Variants in RFFL observed in about 807,000 individuals in gnomAD.
RFFL encodes the protein E3 ubiquitin-protein ligase rififylin.
In RFFL, 16 loss-of-function variants were observed where a neutral mutation model predicts 40.4. That is an observed-to-expected ratio of 0.40 (90% CI 0.27 to 0.60). The LOEUF (loss-of-function observed/expected upper bound fraction) is 0.60. Ranked by LOEUF, RFFL falls within the 20% of genes least tolerant of loss-of-function variation. The pLI is 0.47. For missense variants in RFFL, 367 were observed against 451.7 expected (o/e 0.81, Z 1.70); for synonymous variants, 154 against 167.9 (o/e 0.92, Z 0.64).
intron 1 of RFFL, among the ~76,000 whole-genome samples, chr17:35,075,986 CTTTTTTTTTTTTT>C (rs35996071): frequency 1.2e-5 from 1 of 80,030 alleles, no homozygotes; most frequent in Non-Finnish European, 2.2e-5. Context: ...TCAATTTATT[CTTTTTTTTTTTTT>C]TTTTTTTTTT....
chr17:35,018,267 A>G (rs2090987065), intron 3 of RFFL, among the ~76,000 whole-genome samples: 1 of 152,204 alleles, frequency 6.6e-6, no homozygotes, highest in Non-Finnish European at 1.5e-5. Flanking sequence ...AGACCTAGTC[A>G]AAGAGTATTT....
chr17:35,056,266 C>G (rs1236934524), intron 1 of RFFL, among the ~76,000 whole-genome samples: 1 of 152,086 alleles, frequency 6.6e-6, no homozygotes, highest in Non-Finnish European at 1.5e-5. Flanking sequence ...CACTCTTGCT[C>G]CCTTATTTTC....
intron 1 of RFFL, among the ~76,000 whole-genome samples, chr17:35,075,921 T>A (rs2091373180): frequency 6.6e-6 from 1 of 152,002 alleles, no homozygotes. Context: ...TTTCCAGTAT[T>A]TAGTCAAAAA....
intron 1 of RFFL, among the ~76,000 whole-genome samples, chr17:35,055,682 AAACAAAC>A (rs2091256849): frequency 4.5e-5 from 6 of 133,992 alleles, no homozygotes; most frequent in Admixed American, 2.8e-4. Flanking sequence ...AAAAAAAAAC[AAACAAAC>A]AAACAAACAA....
In RFFL at chr17:35,021,415, G is replaced by C; in HGVS notation, c.547C>G (p.Gln183Glu). The change falls in exon 3 of 7, where the codon CAA becomes GAA. Residue 183 changes from glutamine to glutamate, a missense_variant. By Grantham distance (29) the Gln-to-Glu change is conservative (BLOSUM62 2). Coordinates refer to ENST00000394597, the MANE Select transcript of RFFL (RefSeq NM_001017368.2). ...TSPNLPSSSAQATSVPPAQVQ... is the reference protein window; with the variant it reads ...TSPNLPSSSAEATSVPPAQVQ... ...TGGGCTGGGGGAACAGAGGTGGCTTGTGCAGATGAAGAGGGGAGGTTGGGT... is the reference window on the plus strand; with the variant it reads ...TGGGCTGGGGGAACAGAGGTGGCTTCTGCAGATGAAGAGGGGAGGTTGGGT... The C allele has an allele frequency of 6.5e-7, 1 of 1,534,800 alleles. No individual in the cohort carries two copies. Among genetic ancestry groups the C allele is most frequent in the Non-Finnish European group, 8.7e-7 (1 of 1,144,496 alleles).
chr17:35,088,116 A>G (rs564958923), intron 1 of RFFL, among the ~76,000 whole-genome samples: 6 of 152,310 alleles, frequency 3.9e-5, no homozygotes, highest in African/African-American at 1.4e-4. Context: ...TCTGTCCTCC[A>G]AACCAATAAT....
intron 2 of RFFL, among the ~76,000 whole-genome samples, chr17:35,023,274 G>A (rs555326264): frequency 6.6e-6 from 1 of 152,286 alleles, no homozygotes; most frequent in East Asian, 1.9e-4. Flanking sequence ...CAGACACTCT[G>A]GGCTGAAGTA....
intron 3 of RFFL, among the ~76,000 whole-genome samples, chr17:35,019,193 A>G (rs1023650281): frequency 1.3e-4 from 20 of 152,202 alleles, no homozygotes; most frequent in Admixed American, 1.2e-3. Flanking sequence ...TCCTGCTTGC[A>G]AAGTGCAGCT....
chr17:35,076,679 A>AAATAATAAT (rs60726343), intron 1 of RFFL: 17,638 of 137,014 alleles, frequency 0.13, 1,307 homozygotes, highest in East Asian at 0.19. Context: ...ACTCCGTCTC[A>AAATAATAAT]AATAATAATA....
intron 2 of RFFL, among the ~76,000 whole-genome samples, chr17:35,023,435 C>A (rs1355793504): frequency 6.6e-6 from 1 of 152,216 alleles, no homozygotes; most frequent in Non-Finnish European, 1.5e-5. Context: ...CCTAATTCTC[C>A]ATACAGTTAT....
intron 1 of RFFL, among the ~76,000 whole-genome samples, chr17:35,035,726 G>A (rs2091117392): frequency 6.7e-6 from 1 of 150,236 alleles, no homozygotes; most frequent in Admixed American, 6.7e-5. Context: ...TTTTTGAGAT[G>A]GAGATTCACT....
upstream of RFFL, among the ~76,000 whole-genome samples, chr17:35,067,561 G>A (rs532124102): frequency 2.0e-5 from 3 of 150,170 alleles, no homozygotes; most frequent in East Asian, 2.0e-4. Context: ...GGGTTCAAGC[G>A]ATTCTCCTGC....
rs973757872 is a variant in RFFL at position 35,007,213 on chromosome 17, A to T, written c.*4755T>A. On this transcript the variant is annotated 3_prime_UTR_variant, in exon 7 of 7. Transcript: ENST00000394597. ...GCTTACACCCAGAGTGCACACTCAC[A>T]GGAAAGGGCCTCTGCTGGCTGCAGG... 6.6e-6 allele frequency: 1 copy of T among 152,290 alleles called. No homozygotes were observed. The highest frequency in any genetic ancestry group is 2.4e-5 in the African/African-American group (1 of 41,476). The allele number at this position is 152,290 out of a possible 1,614,324, so 9.4% of individuals were successfully genotyped here. A position where few individuals can be genotyped will look rare whatever the true frequency, so the allele number is the denominator to read the frequency against.
intron 1 of RFFL, among the ~76,000 whole-genome samples, chr17:35,040,821 C>T (rs2091159308): frequency 6.8e-6 from 1 of 146,664 alleles, no homozygotes; most frequent in Non-Finnish European, 1.5e-5. Flanking sequence ...TTCTTGTCAT[C>T]CAAACATCAG....
chr17:35,062,509 G>A (rs2091297977), intron 1 of RFFL, among the ~76,000 whole-genome samples: 1 of 152,126 alleles, frequency 6.6e-6, no homozygotes, highest in Admixed American at 6.5e-5. Context: ...ACGTACCATG[G>A]ATACAATTCT....
chr17:35,061,565 C>A (rs1385831397), intron 1 of RFFL, among the ~76,000 whole-genome samples: 1 of 152,008 alleles, frequency 6.6e-6, no homozygotes, highest in Non-Finnish European at 1.5e-5. Context: ...GCAAGCAATT[C>A]TCTTTTCTCA....
intron 6 of RFFL, among the ~76,000 whole-genome samples, chr17:35,012,625 A>G (rs1432710120): frequency 6.6e-6 from 1 of 152,242 alleles, no homozygotes; most frequent in Admixed American, 6.5e-5. Flanking sequence ...GGCTTTATCT[A>G]TAAACATATC....
rs1191978092 is a variant in RFFL at position 35,035,885 on chromosome 17, T to TAG, written c.-8-9326_-8-9325dup. On this transcript the variant is annotated intron_variant, in intron 1 of 6. Coordinates refer to ENST00000394597, the MANE Select transcript of RFFL (RefSeq NM_001017368.2). Reference sequence around the variant, plus strand: ...CACCTGGCTAATTTTGTATTTTTAGTAGAGACGGGGTTTCACCATGTTGGC... The same window carrying TAG: ...CACCTGGCTAATTTTGTATTTTTAGTAGAGAGACGGGGTTTCACCATGTTGGC... Among the ~76,000 whole-genome samples the TAG allele has an allele frequency of 2.0e-5, 3 of 151,982 alleles. No individual in the cohort carries two copies. The East Asian group carries it at 5.8e-4, about 29-fold the overall frequency.
chr17:35,020,748 T>A (rs1453310761), intron 3 of RFFL, among the ~76,000 whole-genome samples: 1 of 152,138 alleles, frequency 6.6e-6, no homozygotes, highest in African/African-American at 2.4e-5. Context: ...AGTTTATTAC[T>A]CATTTCTATA....
Sources: allele counts gnomAD v4.1 joint callset (sites outside exome capture counted in the v4.1 genomes callset), GRCh38; gene constraint gnomAD v4.1.1; transcripts MANE v1.5; gene names NCBI Gene and HGNC (gene_info 2026-07-23, HGNC 2026-07-21).